The following MYO7B variants were observed in gnomAD, a reference collection of about 807,000 sequenced individuals.
The protein encoded by MYO7B is myosin VIIB.
In MYO7B, 212 loss-of-function variants were observed where a neutral mutation model predicts 259.7. That is an observed-to-expected ratio of 0.82 (90% confidence interval 0.73 to 0.91). MYO7B has a LOEUF of 0.91. Among genes scored for constraint, MYO7B ranks in the 40% least tolerant of loss-of-function variants. The pLI is 0.00. For synonymous variants in MYO7B, 1,197 were observed against 1,166.4 expected (o/e 1.03, Z -0.54); for missense variants, 2,732 against 2,813.5 (o/e 0.97, Z 0.66).
chr2:127,591,792 C>G (rs931038141), intron 16 of MYO7B, among the ~76,000 whole-genome samples: 1 of 152,132 alleles, frequency 6.6e-6, no homozygotes, highest in Non-Finnish European at 1.5e-5. Flanking sequence ...AGTCTTGGAA[C>G]CCCTGCTGAA....
rs1260213484 is a variant in MYO7B, at chr2:127,633,418, G to A, written c.5511+55G>A. On this transcript the variant is annotated intron_variant, in intron 40 of 47. Transcript: ENST00000409816. ...GTCTCAGGCCTCCAGAGGCCATGGGGCATCCTCCTTCCTGGCCCAGCCTGC... is the reference window on the plus strand; with the variant it reads ...GTCTCAGGCCTCCAGAGGCCATGGGACATCCTCCTTCCTGGCCCAGCCTGC... 9.7e-6 allele frequency: 15 copies of A among 1,546,248 alleles called. No individual in the cohort carries two copies. In the East Asian group the frequency reaches 3.0e-4, roughly 31 times the overall value.
chr2:127,597,611 A>G lies in MYO7B; in HGVS notation c.2339+1055A>G, dbSNP rs1271420747. On this transcript the variant is annotated intron_variant, in intron 19 of 47. Coordinates refer to ENST00000409816, the MANE Select transcript of MYO7B (RefSeq NM_001393586.1). This position sits in a 1 kb window ranked among gnomAD's most constrained non-coding sequence, Gnocchi z 4.8. ...TTCATCCAGGTTATTGCTTGCATTA[A>G]TATTTATTTATTTATTTATTTATTT... Among the ~76,000 whole-genome samples, 1 of 145,792 alleles carries G rather than the reference A, an allele frequency of 6.9e-6. No individual in the cohort carries two copies. The highest frequency in any genetic ancestry group is 1.5e-5 in the Non-Finnish European group (1 of 66,790).
rs370763553 is a variant in MYO7B at position 127,606,403 on chromosome 2, C to T, written c.2424+475C>T. 2.7e-4 allele frequency among the ~76,000 whole-genome samples: 41 copies of T among 152,354 alleles called. 1 individual carries two copies. The East Asian group carries it at 3.3e-3, about 12-fold the overall frequency. On this transcript the variant is annotated intron_variant, in intron 20 of 47. Coordinates refer to ENST00000409816, the MANE Select transcript of MYO7B (RefSeq NM_001393586.1). ...CCACTTGCTTTTGTCACGGATGTGA[C>T]TGGTTATGACACGAAATGGTCACAT...
At chr2:127,606,157 A>G (rs970343308) in intron 20 of MYO7B, among the ~76,000 whole-genome samples, 1 of 152,222 alleles carries the variant, frequency 6.6e-6, no homozygotes, top group African/African-American at 2.4e-5. Context: ...AATGTTTTGC[A>G]GAATTTGGAG....
chr2:127,570,666 A>G (rs1184895831), intron 6 of MYO7B, among the ~76,000 whole-genome samples: 1 of 152,218 alleles, frequency 6.6e-6, no homozygotes, highest in Non-Finnish European at 1.5e-5. Context: ...TGACAAACTC[A>G]TACAGGCCTG....
chr2:127,633,436 C>G, intron 40 of MYO7B, 73 bp downstream of exon 40: 1 of 1,440,012 alleles, frequency 6.9e-7, no homozygotes, highest in Non-Finnish European at 9.6e-7. Flanking sequence ...CTTCCTGGCC[C>G]AGCCTGCTCC....
intron 6 of MYO7B, among the ~76,000 whole-genome samples, chr2:127,570,639 TAC>T (rs1420528249): frequency 2.1e-4 from 32 of 152,220 alleles, no homozygotes; most frequent in Non-Finnish European, 7.3e-5. Context: ...CTTTTTCAAG[TAC>T]AGTTTTGTGA....
chr2:127,582,589 G>C (rs1282512846), intron 12 of MYO7B, 143 bp downstream of exon 12: 8 of 997,258 alleles, frequency 8.0e-6, no homozygotes, highest in East Asian at 5.3e-5. Flanking sequence ...CTCTGCATGG[G>C]GTGGCTGCTG....
At chr2:127,543,005 A>G (rs1693065898) in intron 1 of MYO7B, among the ~76,000 whole-genome samples, 1 of 152,178 alleles carries the variant, frequency 6.6e-6, no homozygotes, top group South Asian at 2.1e-4. Context: ...AGAACATACA[A>G]TCGTGTTTTA....
Position 127,584,308 on chromosome 2 carries a change from G to A in MYO7B, c.1530G>A (p.Leu510=), listed in dbSNP as rs143153970. 226 of 1,613,944 alleles carry A rather than the reference G, an allele frequency of 1.4e-4. No homozygotes were observed. In the African/African-American group the frequency reaches 2.7e-3, roughly 20 times the overall value. Residue 510 remains leucine (L), a synonymous_variant, in exon 13 of 48, where the codon CTG becomes CTA. Coordinates refer to ENST00000409816, the MANE Select transcript of MYO7B (RefSeq NM_001393586.1). The surrounding 1 kb of genome is among the most constrained non-coding windows in gnomAD (Gnocchi z 5.8). ...AGCCCATGAGCATCATCTCCCTCCT[G>A]GACGAAGAAAGCCGCTTCCCGCAGG... ...ALKPMSIISL[L]DEESRFPQGT...
chr2:127,590,591 T>C lies in MYO7B; in HGVS notation c.1992+362T>C, dbSNP rs1271639745. Among the ~76,000 whole-genome samples the C allele has an allele frequency of 1.3e-5, 2 of 152,234 alleles. No homozygotes were observed. The highest frequency in any genetic ancestry group is 2.1e-4 in the South Asian group (1 of 4,834). ...TGAGGTTTGCAGTACATGTCCCATA[T>C]GTAAACCACACTCAACAAAGGCAGA... On this transcript the variant is annotated intron_variant, in intron 16 of 47. Transcript: ENST00000409816. This position sits in a 1 kb window ranked among gnomAD's most constrained non-coding sequence, Gnocchi z 4.6.
chr2:127,609,191 CG>C lies in MYO7B; in HGVS notation c.2814+314del, dbSNP rs1403706902. Among the ~76,000 whole-genome samples, 1 of 152,144 alleles carries C rather than the reference CG, an allele frequency of 6.6e-6. No individual in the cohort carries two copies. Among genetic ancestry groups the C allele is most frequent in the Non-Finnish European group, 1.5e-5 (1 of 68,028 alleles). On this transcript the variant is annotated intron_variant, in intron 22 of 47. Coordinates refer to ENST00000409816, the MANE Select transcript of MYO7B (RefSeq NM_001393586.1). The surrounding 1 kb of genome is among the most constrained non-coding windows in gnomAD (Gnocchi z 6.9). ...GGCACCCCCAGAGCACCTTTGAGGCCGCTGCTCTGCAGTGTGGCTGAGGAAG... is the reference window on the plus strand; with the variant it reads ...GGCACCCCCAGAGCACCTTTGAGGCCCTGCTCTGCAGTGTGGCTGAGGAAG...
chr2:127,555,305 CA>C (rs1455017028), intron 1 of MYO7B, among the ~76,000 whole-genome samples: 2 of 152,146 alleles, frequency 1.3e-5, no homozygotes, highest in African/African-American at 4.8e-5. Context: ...AATGGTCTAT[CA>C]ATTTTATTTA....
chr2:127,556,588 G>C (rs2104835649), intron 1 of MYO7B, among the ~76,000 whole-genome samples: 1 of 152,248 alleles, frequency 6.6e-6, no homozygotes, highest in South Asian at 2.1e-4. Flanking sequence ...GCTTGGTAGT[G>C]GCAAATTCTC....
intron 1 of MYO7B, among the ~76,000 whole-genome samples, chr2:127,545,430 A>C (rs960983780): frequency 6.6e-6 from 1 of 152,188 alleles, no homozygotes; most frequent in African/African-American, 2.4e-5. Context: ...GAGCAGCCGC[A>C]TGCTGGGATG....
At chr2:127,548,521 T>G (rs1693323622) in intron 1 of MYO7B, among the ~76,000 whole-genome samples, 1 of 151,858 alleles carries the variant, frequency 6.6e-6, no homozygotes, top group Non-Finnish European at 1.5e-5. Flanking sequence ...GTTCAAGCGA[T>G]TCTCCTGCCT....
chr2:127,571,442 G>GTTTTTTTTTTTTTTTTTTTTTTTTTTTT lies in MYO7B; in HGVS notation c.592+1549_592+1550insTTTTTTTTTTTTTTTTTTTTTTTTTTTT. On this transcript the variant is annotated intron_variant, in intron 6 of 47. Transcript: ENST00000409816. ...AATTGGTCTATTTCCTTACCAGTGA[G>GTTTTTTTTTTTTTTTTTTTTTTTTTTTT]TTTTTTTTTTTTTTTTTGCTTGTTT... 7.6e-4 allele frequency among the ~76,000 whole-genome samples: 32 copies of GTTTTTTTTTTTTTTTTTTTTTTTTTTTT among 41,926 alleles called. 3 individuals carry two copies. The highest frequency in any genetic ancestry group is 1.0e-3 in the Non-Finnish European group (22 of 21,868). The allele number at this position is 41,926 out of a possible 152,430, so 27.5% of individuals were successfully genotyped here. A position where few individuals can be genotyped will look rare whatever the true frequency, so the allele number is the denominator to read the frequency against.
intron 26 of MYO7B, among the ~76,000 whole-genome samples, chr2:127,619,667 G>A (rs1262113809): frequency 6.6e-6 from 1 of 152,104 alleles, no homozygotes; most frequent in Non-Finnish European, 1.5e-5. Context: ...TTTTCTTCTT[G>A]GGGGAGCTGG....
At chr2:127,596,824 G>A (rs1212318152) in intron 19 of MYO7B, among the ~76,000 whole-genome samples, 1 of 152,254 alleles carries the variant, frequency 6.6e-6, no homozygotes, top group Non-Finnish European at 1.5e-5. Flanking sequence ...TCTCAACCAG[G>A]GTTTGACGTT....
Sources: gnomAD v4.1 joint callset for allele counts (sites outside exome capture counted in the v4.1 genomes callset) on GRCh38, gnomAD v4.1.1 for gene constraint, Gnocchi (gnomAD v3.1) non-coding constraint, MANE v1.5 for transcripts, NCBI Gene and HGNC (gene_info 2026-07-23, HGNC 2026-07-21) for gene names.